VASH2: variants seen among roughly 807,000 people sequenced by gnomAD.
VASH2 encodes the protein tubulinyl-Tyr carboxypeptidase 2.
VASH2 carries 28 observed loss-of-function variants against 37.2 expected under a neutral mutation model. The ratio of observed to expected loss-of-function variants is 0.75; its 90% confidence interval spans 0.56 to 1.03. The LOEUF (loss-of-function observed/expected upper bound fraction) is 1.03. Ranked by LOEUF, VASH2 falls within the 50% of genes least tolerant of loss-of-function variation. VASH2 has a pLI of 0.00. For synonymous variants in VASH2, 188 were observed against 174.7 expected (o/e 1.08, Z -0.60); for missense variants, 419 against 459.1 (o/e 0.91, Z 0.80).
chr1:212,950,665 C>A lies in VASH2; in HGVS notation c.-280C>A. On this transcript the variant is annotated 5_prime_UTR_variant, in exon 1 of 8. Coordinates refer to ENST00000517399, the MANE Select transcript of VASH2 (RefSeq NM_001301056.2). The surrounding 1 kb of genome is among the most constrained non-coding windows in gnomAD (Gnocchi z 5.5). Reference sequence around the variant, plus strand: ...AGCAGCCCCAGCCCCAGCCCCAGGCCCAGCAGCAGCAGCAGCAGCCCCTGC... The same window carrying A: ...AGCAGCCCCAGCCCCAGCCCCAGGCACAGCAGCAGCAGCAGCAGCCCCTGC... 6.4e-6 allele frequency: 1 copy of A among 157,208 alleles called. No homozygotes were observed. The highest frequency in any genetic ancestry group is 1.4e-5 in the Non-Finnish European group (1 of 71,424). The allele number at this position is 157,208 out of a possible 1,614,324, so 9.7% of individuals were successfully genotyped here.
chr1:212,981,336 G>T (rs961399189), intron 7 of VASH2, among the ~76,000 whole-genome samples: 9 of 152,230 alleles, frequency 5.9e-5, no homozygotes, highest in African/African-American at 2.2e-4. Flanking sequence ...CAAGGAATGT[G>T]AGGGAGGAGC....
rs866600702 is a variant in VASH2 at position 212,990,865 on chromosome 1, G to A, written c.*2281G>A. The A allele has an allele frequency of 6.6e-6, 1 of 151,824 alleles. No homozygotes were observed. The highest frequency in any genetic ancestry group is 1.5e-5 in the Non-Finnish European group (1 of 68,008). The allele number at this position is 151,824 out of a possible 1,614,324, so 9.4% of individuals were successfully genotyped here. ...ATATGCTAATTTCTAAAAAAAATAC[G>A]GGAGAGGCACCAAACCCCTAAATTC... On this transcript the variant is annotated 3_prime_UTR_variant, in exon 8 of 8. Coordinates refer to ENST00000517399, the MANE Select transcript of VASH2 (RefSeq NM_001301056.2).
rs909960568 is a variant in VASH2 at position 212,950,869 on chromosome 1, G to T, written c.-205+129G>T. 6.6e-6 allele frequency: 1 copy of T among 152,338 alleles called. No homozygotes were observed. The highest frequency in any genetic ancestry group is 1.5e-5 in the Non-Finnish European group (1 of 68,102). The allele number at this position is 152,338 out of a possible 1,614,324, so 9.4% of individuals were successfully genotyped here. A position where few individuals can be genotyped will look rare whatever the true frequency, so the allele number is the denominator to read the frequency against. On this transcript the variant is annotated intron_variant, in intron 1 of 7. Coordinates refer to ENST00000517399, the MANE Select transcript of VASH2 (RefSeq NM_001301056.2). The surrounding 1 kb of genome is among the most constrained non-coding windows in gnomAD (Gnocchi z 5.5). ...AGCTCTTTCCACTAGATCCCCGCCGGGGTCCGGGAGGGCTTCCTGGAAGAA... is the reference window on the plus strand; with the variant it reads ...AGCTCTTTCCACTAGATCCCCGCCGTGGTCCGGGAGGGCTTCCTGGAAGAA...
chr1:212,966,841 C>T, intron 5 of VASH2: 1 of 349,142 alleles, frequency 2.9e-6, no homozygotes, highest in South Asian at 2.2e-5. Flanking sequence ...GACCTTCTGA[C>T]CTCAGCCTCC....
chr1:212,975,361 G>C (rs538593973), intron 7 of VASH2, among the ~76,000 whole-genome samples: 1 of 152,366 alleles, frequency 6.6e-6, no homozygotes, highest in East Asian at 1.9e-4. Flanking sequence ...TCTGGGTTGG[G>C]AAGGAGGGTG....
At chr1:212,979,633 G>A (rs886444498) in intron 7 of VASH2, among the ~76,000 whole-genome samples, 1 of 152,176 alleles carries the variant, frequency 6.6e-6, no homozygotes, top group African/African-American at 2.4e-5. Context: ...CCTTTCGAGA[G>A]GAGGATCAGT....
At chr1:212,973,403 C>T (rs750127717) in intron 6 of VASH2, 93 of 1,291,724 alleles carry the variant, frequency 7.2e-5, no homozygotes, top group Middle Eastern at 2.1e-4. Flanking sequence ...ATGTGATTCC[C>T]GCTTGTCCAT....
At chr1:212,963,309 C>T (rs532503503) in intron 3 of VASH2, among the ~76,000 whole-genome samples, 12 of 152,318 alleles carry the variant, frequency 7.9e-5, no homozygotes, top group East Asian at 7.7e-4. Flanking sequence ...CAGCAGGCTG[C>T]GGGGACCTGC....
intron 3 of VASH2, among the ~76,000 whole-genome samples, chr1:212,964,032 G>C (rs111701696): frequency 1.3e-5 from 2 of 152,290 alleles, no homozygotes; most frequent in African/African-American, 4.8e-5. Flanking sequence ...AGACTGTATG[G>C]TTAGTTGTTG....
At chr1:212,965,547 C>T (rs1226364944) in intron 3 of VASH2, among the ~76,000 whole-genome samples, 175 bp from the exon 4 acceptor site, 1 of 152,052 alleles carries the variant, frequency 6.6e-6, no homozygotes, top group Admixed American at 6.6e-5. Flanking sequence ...ATTAGATTTC[C>T]AGGGCAGGAT....
rs144965116 is a variant in VASH2 at position 212,957,261 on chromosome 1, C to T, written c.277-3905C>T. ...GTATACCATCGTATATTCCGTGGTGCGCCACATTTTGTTTATTCATTCATC... is the reference window on the plus strand; with the variant it reads ...GTATACCATCGTATATTCCGTGGTGTGCCACATTTTGTTTATTCATTCATC... On this transcript the variant is annotated intron_variant, in intron 2 of 7. Coordinates refer to ENST00000517399, the MANE Select transcript of VASH2 (RefSeq NM_001301056.2). Among the ~76,000 whole-genome samples, 1,180 of 152,284 alleles carry T rather than the reference C, an allele frequency of 7.7e-3. 5 individuals are homozygous for T. Among genetic ancestry groups the T allele is most frequent in the South Asian group, 0.012 (57 of 4,822 alleles).
At chr1:212,964,248 G>A (rs367826376) in intron 3 of VASH2, among the ~76,000 whole-genome samples, 44 of 152,268 alleles carry the variant, frequency 2.9e-4, no homozygotes, top group African/African-American at 9.1e-4. Flanking sequence ...ACGTGTGCTC[G>A]TGTCTGAGTG....
intron 5 of VASH2, among the ~76,000 whole-genome samples, chr1:212,969,554 C>T (rs138037242): frequency 1.3e-5 from 2 of 152,182 alleles, no homozygotes; most frequent in East Asian, 3.9e-4. Flanking sequence ...TGCAGTGGCG[C>T]GATCTCGGCT....
At chr1:212,958,356 G>A (rs897598822) in intron 2 of VASH2, among the ~76,000 whole-genome samples, 1 of 152,190 alleles carries the variant, frequency 6.6e-6, no homozygotes, top group African/African-American at 2.4e-5. Context: ...CTCCCGTTGG[G>A]CAGGAAGTGT....
chr1:212,962,462 A>G (rs1666708568), intron 3 of VASH2, among the ~76,000 whole-genome samples: 1 of 152,196 alleles, frequency 6.6e-6, no homozygotes, highest in African/African-American at 2.4e-5. Context: ...TGAGGCAGAA[A>G]GGATTTCAGG....
At chr1:212,954,143 G>A (rs1352289631) in intron 2 of VASH2, among the ~76,000 whole-genome samples, 1 of 152,128 alleles carries the variant, frequency 6.6e-6, no homozygotes, top group Non-Finnish European at 1.5e-5. Flanking sequence ...AAACTTCTAG[G>A]CTCGAGCGAT....
intron 2 of VASH2, among the ~76,000 whole-genome samples, chr1:212,952,094 A>T (rs1420354257): frequency 2.0e-4 from 30 of 152,134 alleles, no homozygotes; most frequent in Admixed American, 1.9e-3. Context: ...GCCAAACTCT[A>T]TTATTTACTC....
At chr1:212,967,147 C>G (rs938640147) in intron 5 of VASH2, 7 of 1,304,528 alleles carry the variant, frequency 5.4e-6, no homozygotes, top group Non-Finnish European at 7.1e-6. Context: ...TAGCTTCTCC[C>G]ACACTTTCTG....
intron 3 of VASH2, among the ~76,000 whole-genome samples, chr1:212,962,332 C>G (rs758024409): frequency 2.6e-5 from 4 of 152,188 alleles, no homozygotes; most frequent in Non-Finnish European, 4.4e-5. Context: ...AGCACATTGT[C>G]CAGGAGGTCA....
Sources: gnomAD v4.1 joint callset for allele counts (sites outside exome capture counted in the v4.1 genomes callset) on GRCh38, gnomAD v4.1.1 for gene constraint, Gnocchi (gnomAD v3.1) non-coding constraint, MANE v1.5 for transcripts, NCBI Gene and HGNC (gene_info 2026-07-23, HGNC 2026-07-21) for gene names.